The following INTS14 variants were observed in gnomAD, a reference collection of about 807,000 sequenced individuals.
INTS14 encodes UPF0464 protein C15orf44.
Under a neutral mutation model 56.9 loss-of-function variants are expected in INTS14, and 27 were observed. The ratio of observed to expected loss-of-function variants is 0.47; its 90% CI spans 0.35 to 0.65. INTS14 has a LOEUF of 0.65. Ranked by LOEUF, INTS14 falls within the 30% of genes least tolerant of loss-of-function variation. The pLI is 0.00. For synonymous variants in INTS14, 207 were observed against 236.2 expected (o/e 0.88, Z 1.13); for missense variants, 517 against 632.2 (o/e 0.82, Z 1.95).
chr15:65,606,315 T>G (rs2073648933), intron 2 of INTS14, among the ~76,000 whole-genome samples: 1 of 151,858 alleles, frequency 6.6e-6, no homozygotes, highest in South Asian at 2.1e-4. Flanking sequence ...TTTTGTTACT[T>G]ACATTAAAAA....
intron 11 of INTS14, 70 bp downstream of exon 11, chr15:65,581,884 A>G: frequency 6.6e-7 from 1 of 1,506,320 alleles, no homozygotes; most frequent in Non-Finnish European, 9.2e-7. Context: ...GCCCATATTC[A>G]CACTGCCATC....
intron 3 of INTS14, among the ~76,000 whole-genome samples, chr15:65,603,811 T>C (rs1453174051): frequency 6.6e-6 from 1 of 152,206 alleles, no homozygotes. Context: ...ATTTACTTAT[T>C]ATCTATGGCT....
chr15:65,610,710 C>T, intron 1 of INTS14: 1 of 1,535,730 alleles, frequency 6.5e-7, no homozygotes, highest in Non-Finnish European at 8.7e-7. Context: ...TCCCGTCAGC[C>T]TCCGGGAGTC....
chr15:65,601,572 A>T lies in INTS14; in HGVS notation c.331-1643T>A, dbSNP rs1165049492. Among the ~76,000 whole-genome samples the T allele has an allele frequency of 2.6e-5, 4 of 152,088 alleles. No individual in the cohort carries two copies. The East Asian group carries it at 7.7e-4, about 29-fold the overall frequency. On this transcript the variant is annotated intron_variant, in intron 3 of 11. Coordinates refer to ENST00000313182, the MANE Select transcript of INTS14 (RefSeq NM_001394796.1). ...TGGCCAGGATGGTCTCGAACTCCTG[A>T]CCTTGTGAACCGTCAGCCTCGGCCT...
chr15:65,578,794 A>G lies in INTS14; in HGVS notation c.*614T>C, dbSNP rs190468334. ...GTGAAACCATTTTCTAGAAAATCAA[A>G]TATTTTATTTTCATTAAAAAAAAAC... On this transcript the variant is annotated 3_prime_UTR_variant, in exon 12 of 12. Transcript: ENST00000313182. The G allele has an allele frequency of 4.6e-5, 7 of 152,346 alleles. No individual in the cohort carries two copies. The East Asian group carries it at 1.3e-3, about 29-fold the overall frequency. The allele number at this position is 152,346 out of a possible 1,614,324, so 9.4% of individuals were successfully genotyped here. A position where few individuals can be genotyped will look rare whatever the true frequency, so the allele number is the denominator to read the frequency against.
intron 7 of INTS14, 143 bp from the exon 8 acceptor site, chr15:65,593,715 C>G: frequency 1.0e-6 from 1 of 982,070 alleles, no homozygotes; most frequent in South Asian, 2.9e-5. Flanking sequence ...AAAACTCATT[C>G]CAGTTTTCCA....
chr15:65,602,759 C>G (rs1023192132), intron 3 of INTS14, among the ~76,000 whole-genome samples: 1 of 151,966 alleles, frequency 6.6e-6, no homozygotes, highest in African/African-American at 2.4e-5. Context: ...CCTCTGCCTC[C>G]CCGGTTCAAG....
At chr15:65,610,449 A>G (rs2073864918) in intron 1 of INTS14, among the ~76,000 whole-genome samples, 1 of 151,770 alleles carries the variant, frequency 6.6e-6, no homozygotes, top group Admixed American at 6.6e-5. Context: ...TGAGCCCCCA[A>G]GTCTCCCACC....
chr15:65,599,655 G>T, intron 4 of INTS14, 119 bp downstream of exon 4: 1 of 1,138,506 alleles, frequency 8.8e-7, no homozygotes, highest in Non-Finnish European at 1.2e-6. Context: ...AGCCTCAGCT[G>T]AAACCAATGG....
At chr15:65,599,575 C>T (rs558432011) in intron 4 of INTS14, 199 bp downstream of exon 4, 35 of 531,282 alleles carry the variant, frequency 6.6e-5, no homozygotes, top group African/African-American at 6.1e-4. Context: ...CAGCTATGTT[C>T]CCCAGATGAG....
chr15:65,593,096 TA>T (rs765099877), intron 8 of INTS14, among the ~76,000 whole-genome samples: 30,348 of 135,954 alleles, frequency 0.22, 3,395 homozygotes, highest in African/African-American at 0.33. Context: ...TTCTATAAAT[TA>T]AAAAAAAAAA....
At chr15:65,595,627 T>C (rs2073183276) in intron 7 of INTS14, 106 bp downstream of exon 7, 2 of 830,714 alleles carry the variant, frequency 2.4e-6, no homozygotes, top group Admixed American at 2.9e-5. Flanking sequence ...TCTGTAACTA[T>C]TCCTTTCCCC....
At chr15:65,585,202 GAC>G (rs1255343420) in intron 9 of INTS14, among the ~76,000 whole-genome samples, 1 of 151,746 alleles carries the variant, frequency 6.6e-6, no homozygotes, top group African/African-American at 2.4e-5. Context: ...CATACACATA[GAC>G]ACACATATAT....
intron 9 of INTS14, among the ~76,000 whole-genome samples, chr15:65,590,995 C>T (rs891500123): frequency 6.6e-6 from 1 of 151,910 alleles, no homozygotes; most frequent in Non-Finnish European, 1.5e-5. Context: ...AGAGATCCAA[C>T]TAGGAACTGG....
At chr15:65,597,370 G>A (rs1240427583) in intron 6 of INTS14, among the ~76,000 whole-genome samples, 1 of 152,204 alleles carries the variant, frequency 6.6e-6, no homozygotes, top group South Asian at 2.1e-4. Flanking sequence ...CATCAAGGCT[G>A]TAATGGTGAC....
chr15:65,578,805 T>G lies in INTS14; in HGVS notation c.*603A>C, dbSNP rs2072456572. ...TTCTAGAAAATCAAATATTTTATTT[T>G]CATTAAAAAAAAACCTTGAATAATA... is the stretch of plus-strand genomic sequence containing the variant. On this transcript the variant is annotated 3_prime_UTR_variant, in exon 12 of 12. Coordinates refer to ENST00000313182, the MANE Select transcript of INTS14 (RefSeq NM_001394796.1). 1 of 152,206 alleles carries G rather than the reference T, an allele frequency of 6.6e-6. No individual in the cohort carries two copies. Among genetic ancestry groups the G allele is most frequent in the African/African-American group, 2.4e-5 (1 of 41,434 alleles). 9.4% of individuals were successfully genotyped at this position (152,206 alleles called of 1,614,324 possible). A position where few individuals can be genotyped will look rare whatever the true frequency, so the allele number is the denominator to read the frequency against.
At chr15:65,601,818 C>A (rs1302028817) in intron 3 of INTS14, among the ~76,000 whole-genome samples, 2 of 152,218 alleles carry the variant, frequency 1.3e-5, no homozygotes, top group African/African-American at 4.8e-5. Context: ...CAATGATTTA[C>A]CTCCATCGGC....
At position 65,591,147 on chromosome 15, in the gene INTS14, A is replaced by T. The variant is rs1024839958; in HGVS notation, c.1120+451T>A. ...GAAGGCAAAGAACATGTTGGAAACC[A>T]TGAGGCAAGGAGAAGAAAAGACAAA... On this transcript the variant is annotated intron_variant, in intron 9 of 11. Transcript: ENST00000313182. Among the ~76,000 whole-genome samples the T allele has an allele frequency of 4.6e-5, 7 of 152,210 alleles. No individual in the cohort carries two copies. The East Asian group carries it at 1.2e-3, about 25-fold the overall frequency.
chr15:65,580,624 A>G (rs1313169942), intron 11 of INTS14, among the ~76,000 whole-genome samples: 1 of 152,256 alleles, frequency 6.6e-6, no homozygotes, highest in African/African-American at 2.4e-5. Flanking sequence ...AAAGGTAATG[A>G]GATAACACCC....
Sources: gnomAD v4.1 joint callset for allele counts (sites outside exome capture counted in the v4.1 genomes callset) on GRCh38, gnomAD v4.1.1 for gene constraint, MANE v1.5 for transcripts, NCBI Gene and HGNC (gene_info 2026-07-23, HGNC 2026-07-21) for gene names.